CDH2: variants seen among roughly 807,000 people sequenced by gnomAD.
The protein encoded by CDH2 is cadherin 2.
CDH2 carries 17 observed loss-of-function variants against 92.0 expected under a neutral mutation model. The observed-to-expected ratio is 0.18, with a 90% CI of 0.13 to 0.28. The LOEUF is 0.28. Ranked by LOEUF, CDH2 falls within the 10% of genes least tolerant of loss-of-function variation. The probability of loss-of-function intolerance (pLI) is 1.00; values close to 1 mark genes in which losing one functional copy is unlikely to be tolerated. For synonymous variants in CDH2, 419 were observed against 415.9 expected, an observed-to-expected ratio of 1.01 and a Z score of -0.09; for missense variants, 862 against 1,133.1, an observed-to-expected ratio of 0.76 and a Z score of 3.44.
In CDH2 at chr18:27,945,323, A is replaced by ATTTTTTTTTTTTTTTTTTTTTT. The variant is rs66537834; in HGVS notation, c.1152-12221_1152-12200dup. Among the ~76,000 whole-genome samples, 3 of 66,462 alleles carry ATTTTTTTTTTTTTTTTTTTTTT rather than the reference A, an allele frequency of 4.5e-5. 1 individual carries two copies. The highest frequency in any genetic ancestry group is 1.2e-4 in the African/African-American group (2 of 16,962). 43.6% of individuals were successfully genotyped at this position (66,462 alleles called of 152,430 possible). On this transcript the variant is annotated intron_variant, in intron 6 of 6. Transcript: ENST00000675173. ...CAACTGATACTTTCCAGGAAGGAAG[A>ATTTTTTTTTTTTTTTTTTTTTT]TTTTTTTTTTTTTTTTTTTTTTTTT...
At chr18:27,964,669 A>C (rs905175867) in intron 14 of CDH2, among the ~76,000 whole-genome samples, 4 of 152,214 alleles carry the variant, frequency 2.6e-5, no homozygotes, top group African/African-American at 4.8e-5. Flanking sequence ...GGTGTCTTAC[A>C]TATGTTCACT....
chr18:28,068,950 C>T (rs1349789050), intron 2 of CDH2, among the ~76,000 whole-genome samples: 2 of 152,110 alleles, frequency 1.3e-5, no homozygotes, highest in Admixed American at 6.6e-5. Context: ...TTCTCTTTTG[C>T]TATTTTTGGA....
At chr18:28,013,950 C>CA in intron 2 of CDH2, 41 bp from the exon 3 acceptor site, 1 of 1,420,554 alleles carries the variant, frequency 7.0e-7, no homozygotes. Flanking sequence ...ATAATTATAC[C>CA]AAAAAGGCAA....
At chr18:28,148,364 A>G (rs1352459099) in intron 1 of CDH2, among the ~76,000 whole-genome samples, 1 of 152,226 alleles carries the variant, frequency 6.6e-6, no homozygotes, top group Non-Finnish European at 1.5e-5. Context: ...TAAAAATTTA[A>G]GTAAAGATTA....
At chr18:27,991,429 G>T (rs2012411372) in intron 9 of CDH2, among the ~76,000 whole-genome samples, 1 of 151,960 alleles carries the variant, frequency 6.6e-6, no homozygotes, top group Non-Finnish European at 1.5e-5. Context: ...AGTATTTTAA[G>T]CAAGACAGAA....
At chr18:28,139,599 AG>A (rs2015920438) in intron 2 of CDH2, among the ~76,000 whole-genome samples, 2 of 151,890 alleles carry the variant, frequency 1.3e-5, no homozygotes, top group Non-Finnish European at 2.9e-5. Context: ...ACTCTTCCAT[AG>A]CATTTGGCAC....
chr18:27,955,381 A>AG (rs1567934827), intron 15 of CDH2, among the ~76,000 whole-genome samples: 1 of 88,072 alleles, frequency 1.1e-5, no homozygotes, highest in Non-Finnish European at 2.8e-5. Context: ...AAAAAAAAAA[A>AG]AAAAGAAAAA....
rs201594164 is a variant in CDH2 at position 27,992,679 on chromosome 18, G to A, written c.1320C>T (p.Asn440=). The A allele has an allele frequency of 2.2e-5, 36 of 1,613,342 alleles. No individual in the cohort carries two copies. Among genetic ancestry groups the A allele is most frequent in the Middle Eastern group, 3.3e-4 (2 of 6,032 alleles). ...RFAIQTDPNS[N]DGLVTVVKPI... The stretch of plus-strand genomic sequence containing the variant: ...CTTTGACCACGGTGACTAACCCGTC[G>A]TTGCTGTTTGGGTCGGTCTGGATGG... Residue 440 remains asparagine (N), a synonymous_variant, in exon 9 of 16, where the codon AAC becomes AAT. Transcript: ENST00000269141.
chr18:28,074,080 T>A (rs1381970366), intron 2 of CDH2, among the ~76,000 whole-genome samples: 1 of 152,182 alleles, frequency 6.6e-6, no homozygotes, highest in East Asian at 1.9e-4. Flanking sequence ...TGGTTTTTAT[T>A]CATATAATAA....
chr18:28,040,597 G>A (rs2013929680), intron 2 of CDH2, among the ~76,000 whole-genome samples: 1 of 152,230 alleles, frequency 6.6e-6, no homozygotes, highest in South Asian at 2.1e-4. Flanking sequence ...GCAACTGCTG[G>A]AAAAATAACA....
At chr18:28,114,975 T>C (rs2144260732) in intron 2 of CDH2, among the ~76,000 whole-genome samples, 1 of 152,320 alleles carries the variant, frequency 6.6e-6, no homozygotes, top group African/African-American at 2.4e-5. Context: ...AGGCTCCTTG[T>C]TGTTCTCAAC....
chr18:28,112,016 CA>C lies in CDH2; in HGVS notation c.172+35656del, dbSNP rs2015421335. On this transcript the variant is annotated intron_variant, in intron 2 of 15. Coordinates refer to ENST00000269141, the MANE Select transcript of CDH2 (RefSeq NM_001792.5). ...TCTTCTATCTACAAAACTAGAAGGA[CA>C]GTCTGACCTTAGCATTTAAGGGTAA... Among the ~76,000 whole-genome samples, 3 of 152,306 alleles carry C rather than the reference CA, an allele frequency of 2.0e-5. No individual in the cohort carries two copies. The South Asian group carries it at 6.2e-4, about 32-fold the overall frequency.
chr18:27,947,037 AC>A (rs1245745067), downstream of CDH2, among the ~76,000 whole-genome samples: 2 of 152,020 alleles, frequency 1.3e-5, no homozygotes, highest in East Asian at 3.9e-4. Flanking sequence ...GAATAATAAA[AC>A]AATGCTTGTA....
intron 10 of CDH2, among the ~76,000 whole-genome samples, chr18:27,989,394 A>G (rs2847366): frequency 0.99 from 150,217 of 152,274 alleles, 74,148 homozygotes; most frequent in Middle Eastern, 1. Flanking sequence ...ATTTATTAAT[A>G]GTTATCTTGA....
intron 2 of CDH2, among the ~76,000 whole-genome samples, chr18:28,144,492 A>G (rs1327514531): frequency 1.3e-5 from 2 of 152,084 alleles, no homozygotes; most frequent in Admixed American, 1.3e-4. Flanking sequence ...ATGCAAAGAA[A>G]AAAGATACTG....
intron 2 of CDH2, among the ~76,000 whole-genome samples, chr18:28,018,044 T>C (rs1420434483): frequency 1.3e-5 from 2 of 151,742 alleles, no homozygotes; most frequent in Non-Finnish European, 2.9e-5. Context: ...CTAGAACTAG[T>C]AAATTCAGCA....
chr18:28,093,169 G>T (rs2015067252), intron 2 of CDH2, among the ~76,000 whole-genome samples: 1 of 152,028 alleles, frequency 6.6e-6, no homozygotes. Flanking sequence ...ACTATGTGAA[G>T]CTTTTCTCCA....
At chr18:28,097,629 ATAACT>A (rs767786256) in intron 2 of CDH2, among the ~76,000 whole-genome samples, 49 of 152,312 alleles carry the variant, frequency 3.2e-4, no homozygotes, top group African/African-American at 1.1e-3. Flanking sequence ...TAATCTAGAG[ATAACT>A]TAAAGTATAC....
At position 27,983,042 on chromosome 18, in the gene CDH2, T is replaced by C. The variant is rs2012108970; in HGVS notation, c.2251A>G (p.Lys751Glu). Residue 751 changes from lysine to glutamate, a missense_variant, in exon 14 of 16, where the codon AAA (lysine) becomes GAA (glutamate). By Grantham distance (56) the Lys-to-Glu change is moderately conservative (BLOSUM62 1). Transcript: ENST00000269141. ...MFVVWMKRRD[K>E]ERQAKQLLID... is the part of the protein sequence containing the mutation. Reference sequence around the variant, plus strand: ...AAAAGTTGTTTGGCCTGGCGTTCTTTATCCCGGCGTTTCATCCATACCACA... The same window carrying C: ...AAAAGTTGTTTGGCCTGGCGTTCTTCATCCCGGCGTTTCATCCATACCACA... 6.2e-7 allele frequency: 1 copy of C among 1,612,916 alleles called. No individual in the cohort carries two copies.
Sources: allele counts gnomAD v4.1 joint callset (sites outside exome capture counted in the v4.1 genomes callset), GRCh38; gene constraint gnomAD v4.1.1; transcripts MANE v1.5; gene names NCBI Gene and HGNC (gene_info 2026-07-23, HGNC 2026-07-21).